Variants in XPO5 observed in about 807,000 individuals in gnomAD.
The protein encoded by XPO5 is exportin-5.
Under a neutral mutation model 160.6 loss-of-function variants are expected in XPO5, and 46 were observed. The observed-to-expected ratio is 0.29, with a 90% confidence interval of 0.23 to 0.37. The LOEUF is 0.37. Among genes scored for constraint, XPO5 ranks in the 10% least tolerant of loss-of-function variants. XPO5 has a pLI of 1.00. For synonymous variants in XPO5, 537 were observed against 519.3 expected (o/e 1.03, Z -0.46); for missense variants, 1,090 against 1,463.9 (o/e 0.74, Z 4.17).
At chr6:43,561,032 A>G (rs781157087) in intron 9 of XPO5, 25 bp from the exon 10 acceptor site, 2 of 1,576,606 alleles carry the variant, frequency 1.3e-6, no homozygotes, top group East Asian at 4.5e-5. Context: ...CACTATATTA[A>G]CGGTGTTGAT....
At position 43,523,602 on chromosome 6, in the gene XPO5, G is replaced by A; in HGVS notation, c.*266C>T. 1.5e-6 allele frequency: 1 copy of A among 678,688 alleles called. No homozygotes were observed. The highest frequency in any genetic ancestry group is 2.8e-6 in the Non-Finnish European group (1 of 362,684). 42.0% of individuals were successfully genotyped at this position (678,688 alleles called of 1,614,324 possible). A position where few individuals can be genotyped will look rare whatever the true frequency, so the allele number is the denominator to read the frequency against. Reference sequence around the variant, plus strand: ...GGGCTGCTCTGCTCTAGCTTTTCTTGGAAAAGCCAAATCTCCAAGTAGAAT... The same window carrying A: ...GGGCTGCTCTGCTCTAGCTTTTCTTAGAAAAGCCAAATCTCCAAGTAGAAT... On this transcript the variant is annotated 3_prime_UTR_variant, in exon 32 of 32. Transcript: ENST00000265351.
chr6:43,575,253 AAGTT>A (rs1177260008), intron 1 of XPO5, among the ~76,000 whole-genome samples: 1 of 152,202 alleles, frequency 6.6e-6, no homozygotes, highest in South Asian at 2.1e-4. Flanking sequence ...ACACAAACGA[AAGTT>A]AGCGAGATGT....
chr6:43,524,366 A>AC, intron 31 of XPO5, 105 bp downstream of exon 31: 1 of 1,427,982 alleles, frequency 7.0e-7, no homozygotes, highest in East Asian at 2.5e-5. Context: ...AAAAAAAAAA[A>AC]AAAAATCTCA....
At chr6:43,560,879 G>C in intron 10 of XPO5, 45 bp downstream of exon 10, 1 of 1,466,020 alleles carries the variant, frequency 6.8e-7, no homozygotes, top group Non-Finnish European at 9.6e-7. Flanking sequence ...CTTGACATTG[G>C]TTCACCTAAC....
At chr6:43,525,029 GTTC>G in intron 29 of XPO5, 61 bp from the exon 30 acceptor site, 1 of 1,591,784 alleles carries the variant, frequency 6.3e-7, no homozygotes, top group Non-Finnish European at 8.6e-7. Context: ...CAGCACCCCA[GTTC>G]TTCTGAATGA....
At chr6:43,540,595 G>A (rs112350728) in intron 20 of XPO5, among the ~76,000 whole-genome samples, 6 of 152,246 alleles carry the variant, frequency 3.9e-5, no homozygotes, top group African/African-American at 1.4e-4. Context: ...AGAGGTTGAA[G>A]TGAGCCGAGA....
chr6:43,536,288 G>A (rs148975974), intron 20 of XPO5, among the ~76,000 whole-genome samples: 1,940 of 151,830 alleles, frequency 0.013, 42 homozygotes, highest in African/African-American at 0.044. Context: ...GGTGGTGCAT[G>A]CCTATAATCC....
chr6:43,548,044 G>A (rs1227772638), intron 18 of XPO5, among the ~76,000 whole-genome samples: 2 of 152,124 alleles, frequency 1.3e-5, no homozygotes, highest in African/African-American at 4.8e-5. Flanking sequence ...GTGCTGCAAT[G>A]CAGACACCAC....
chr6:43,531,068 T>C (rs1554133025), intron 22 of XPO5, among the ~76,000 whole-genome samples: 1 of 152,236 alleles, frequency 6.6e-6, no homozygotes, highest in Non-Finnish European at 1.5e-5. Flanking sequence ...TTAGCTTGGC[T>C]GATTAGTGTA....
At chr6:43,566,455 A>T (rs769543334) in intron 7 of XPO5, among the ~76,000 whole-genome samples, 1 of 152,148 alleles carries the variant, frequency 6.6e-6, no homozygotes, top group Non-Finnish European at 1.5e-5. Context: ...ACAGCAAAGT[A>T]AATTACATTT....
At chr6:43,564,786 G>T (rs910977178) in intron 8 of XPO5, among the ~76,000 whole-genome samples, 2 of 151,844 alleles carry the variant, frequency 1.3e-5, no homozygotes, top group Non-Finnish European at 2.9e-5. Flanking sequence ...GTATTTTTTT[G>T]TAGAGATGGA....
chr6:43,563,576 T>TA lies in XPO5; in HGVS notation c.912-1231dup, dbSNP rs113681548. On this transcript the variant is annotated intron_variant, in intron 8 of 31. Transcript: ENST00000265351. ...CCATTTGAACATGATAGAGTGTACT[T>TA]ACACAAACTTACACAACAGGAATAG... is the stretch of plus-strand genomic sequence containing the variant. Among the ~76,000 whole-genome samples the TA allele has an allele frequency of 3.7e-4, 57 of 152,274 alleles. 1 individual carries two copies. The highest frequency in any genetic ancestry group is 3.4e-3 in the Middle Eastern group (1 of 294).
chr6:43,539,241 T>A lies in XPO5; in HGVS notation c.2343-5234A>T, dbSNP rs553378231. On this transcript the variant is annotated intron_variant, in intron 20 of 31. Coordinates refer to ENST00000265351, the MANE Select transcript of XPO5 (RefSeq NM_020750.3). ...ACAATGGAGAGCTTGGCCAGGATGA[T>A]GGCCCCACGGGTGGCGGTGGCCACC... The A allele has an allele frequency of 6.1e-6, 8 of 1,319,730 alleles. No individual in the cohort carries two copies. The East Asian group carries it at 1.6e-4, about 27-fold the overall frequency. The allele number at this position is 1,319,730 out of a possible 1,614,324, so 81.8% of individuals were successfully genotyped here.
At chr6:43,568,438 CCT>C in intron 6 of XPO5, among the ~76,000 whole-genome samples, 1 of 151,868 alleles carries the variant, frequency 6.6e-6, no homozygotes, top group Non-Finnish European at 1.5e-5. Context: ...ACACTGAGAC[CCT>C]GTTTCTATAG....
At position 43,528,184 on chromosome 6, in the gene XPO5, C is replaced by G. The variant is rs1244283849; in HGVS notation, c.2797G>C (p.Val933Leu). 3.8e-6 allele frequency: 6 copies of G among 1,594,194 alleles called. No homozygotes were observed. The highest frequency in any genetic ancestry group is 5.1e-6 in the Non-Finnish European group (6 of 1,169,912). The change falls in exon 25 of 32, where the codon GTT becomes CTT. Residue 933 changes from valine to leucine, a missense_variant. Val to Leu is a conservative substitution (Grantham distance 32). Transcript: ENST00000265351. ...LHMRLSQKWQ[V>L]INQRSLLCGE... ...CACAGCAGGCTCCTTTGGTTGATAA[C>G]TTGCCATTTCTGAGAAAGCCTCTGG...
chr6:43,552,237 T>C (rs1795263175), intron 14 of XPO5, among the ~76,000 whole-genome samples: 1 of 152,096 alleles, frequency 6.6e-6, no homozygotes, highest in Admixed American at 6.5e-5. Flanking sequence ...TTTGTATTTT[T>C]AGTAGAGACA....
At chr6:43,543,648 T>G (rs1027284212) in intron 20 of XPO5, among the ~76,000 whole-genome samples, 2 of 152,050 alleles carry the variant, frequency 1.3e-5, no homozygotes, top group Admixed American at 1.3e-4. Flanking sequence ...ACATAAATGT[T>G]ACACTTCAAG....
intron 14 of XPO5, among the ~76,000 whole-genome samples, chr6:43,552,707 T>C (rs1221744344): frequency 6.6e-6 from 1 of 152,304 alleles, no homozygotes; most frequent in African/African-American, 2.4e-5. Context: ...CTTTTGTCTA[T>C]TTCTCTATAA....
intron 31 of XPO5, 66 bp from the exon 32 acceptor site, chr6:43,524,071 C>A: frequency 6.4e-7 from 1 of 1,571,252 alleles, no homozygotes. Flanking sequence ...ATTCTCTTGG[C>A]CCGGCGCAGT....
Sources: gnomAD v4.1 joint callset for allele counts (sites outside exome capture counted in the v4.1 genomes callset) on GRCh38, gnomAD v4.1.1 for gene constraint, MANE v1.5 for transcripts, NCBI Gene and HGNC (gene_info 2026-07-23, HGNC 2026-07-21) for gene names.